SYT1: variants seen among roughly 807,000 people sequenced by gnomAD.
SYT1 encodes the protein synaptotagmin-1.
In SYT1, 8 loss-of-function variants were observed where a neutral mutation model predicts 44.8. The observed-to-expected ratio is 0.18, with a 90% CI of 0.10 to 0.32. The LOEUF (loss-of-function observed/expected upper bound fraction) is 0.32, where lower values mean the gene tolerates loss of function less well. Among genes scored for constraint, SYT1 ranks in the 10% least tolerant of loss-of-function variants. The pLI is 1.00. For missense variants in SYT1, 286 were observed against 509.3 expected (o/e 0.56, Z 4.22); for synonymous variants, 154 against 188.8 (o/e 0.82, Z 1.51).
intron 2 of SYT1, among the ~76,000 whole-genome samples, chr12:79,022,871 C>T (rs563326671): frequency 6.6e-6 from 1 of 151,652 alleles, no homozygotes; most frequent in East Asian, 1.9e-4. Context: ...GCAAAACAAC[C>T]CAGGATCTAG....
rs564819659 is a variant in SYT1, at chr12:78,980,917, G to A, written c.-84+2986G>A. ...CATGAACAGTATTCTCCTGAGCCAG[G>A]GGGGAGAGGGAGATGGAGGGGAGAG... On this transcript the variant is annotated intron_variant, in intron 2 of 10. Coordinates refer to ENST00000261205, the MANE Select transcript of SYT1 (RefSeq NM_005639.3). 2.6e-5 allele frequency among the ~76,000 whole-genome samples: 4 copies of A among 152,080 alleles called. 1 individual carries two copies. The East Asian group carries it at 5.8e-4, about 22-fold the overall frequency.
chr12:79,112,403 T>C (rs535786918), intron 3 of SYT1, among the ~76,000 whole-genome samples: 5 of 152,214 alleles, frequency 3.3e-5, no homozygotes, highest in Admixed American at 3.3e-4. Context: ...TTTCTTAGAA[T>C]ATAAGAGTGA....
chr12:78,881,970 G>A (rs1205644235), intron 1 of SYT1, among the ~76,000 whole-genome samples: 1 of 82,802 alleles, frequency 1.2e-5, no homozygotes, highest in Non-Finnish European at 2.3e-5. Flanking sequence ...ATTTCCCATA[G>A]CACCCTGTAT....
chr12:79,265,041 C>A (rs2138744695), intron 4 of SYT1, among the ~76,000 whole-genome samples: 1 of 151,894 alleles, frequency 6.6e-6, no homozygotes, highest in Middle Eastern at 3.4e-3. Flanking sequence ...ATCTAGACAG[C>A]TTTTATAGTT....
chr12:79,306,322 C>T (rs577659283), intron 8 of SYT1, among the ~76,000 whole-genome samples: 144 of 152,308 alleles, frequency 9.5e-4, no homozygotes, highest in African/African-American at 3.3e-3. Flanking sequence ...GAATTCCAGT[C>T]CCTCTCTCCA....
intron 4 of SYT1, among the ~76,000 whole-genome samples, chr12:79,225,638 A>G (rs1403650516): frequency 6.6e-6 from 1 of 152,242 alleles, no homozygotes; most frequent in Non-Finnish European, 1.5e-5. Flanking sequence ...CTAGAGAAGC[A>G]GAGAAAGCAA....
chr12:79,333,748 C>T (rs1021941926), intron 8 of SYT1, among the ~76,000 whole-genome samples: 4 of 152,126 alleles, frequency 2.6e-5, no homozygotes, highest in Non-Finnish European at 5.9e-5. Context: ...TTTCTCAACA[C>T]TTTTATGTTT....
intron 2 of SYT1, among the ~76,000 whole-genome samples, chr12:78,980,705 A>T (rs1869186503): frequency 6.6e-6 from 1 of 152,222 alleles, no homozygotes; most frequent in Admixed American, 6.5e-5. Context: ...CTAGAAATTG[A>T]AGGGAAGAAT....
intron 3 of SYT1, among the ~76,000 whole-genome samples, chr12:79,162,397 C>T (rs554446241): frequency 6.6e-6 from 1 of 152,218 alleles, no homozygotes; most frequent in African/African-American, 2.4e-5. Flanking sequence ...CTTATATTCT[C>T]GAAATTTAAT....
intron 1 of SYT1, among the ~76,000 whole-genome samples, chr12:78,965,176 C>T (rs974916739): frequency 2.6e-5 from 4 of 152,120 alleles, no homozygotes. Context: ...GTTAGTTCCT[C>T]ACCATATTGG....
At chr12:78,910,394 T>C (rs1253786160) in intron 1 of SYT1, among the ~76,000 whole-genome samples, 4 of 152,004 alleles carry the variant, frequency 2.6e-5, no homozygotes, top group African/African-American at 9.7e-5. Flanking sequence ...TGCCTTGTAC[T>C]AAACCTGGGT....
At chr12:78,876,308 A>G (rs1258962129) in intron 1 of SYT1, among the ~76,000 whole-genome samples, 2 of 151,484 alleles carry the variant, frequency 1.3e-5, no homozygotes, top group Admixed American at 6.6e-5. Flanking sequence ...CTACAAAGGC[A>G]TATTAACTTT....
At chr12:79,179,564 GAT>G (rs1872380515) in intron 3 of SYT1, among the ~76,000 whole-genome samples, 3 of 145,890 alleles carry the variant, frequency 2.1e-5, no homozygotes, top group African/African-American at 7.7e-5. Flanking sequence ...TATAGATTTA[GAT>G]ATATAGATAT....
In SYT1 at chr12:79,049,854, T is replaced by C. The variant is rs142472077; in HGVS notation, c.-18+2492T>C. ...ACAAGTTGATAATTGATTAAAATAT[T>C]ACTATAATATTGCTAAAGACGCTTA... On this transcript the variant is annotated intron_variant, in intron 3 of 10. Coordinates refer to ENST00000261205, the MANE Select transcript of SYT1 (RefSeq NM_005639.3). 3.3e-3 allele frequency among the ~76,000 whole-genome samples: 498 copies of C among 152,196 alleles called. 5 individuals carry two copies. The highest frequency in any genetic ancestry group is 0.011 in the African/African-American group (470 of 41,572).
At chr12:78,904,962 A>G (rs1224068090) in intron 1 of SYT1, among the ~76,000 whole-genome samples, 3 of 152,158 alleles carry the variant, frequency 2.0e-5, no homozygotes, top group Non-Finnish European at 4.4e-5. Flanking sequence ...AGTCTCAATT[A>G]TCATTGTATT....
At chr12:79,354,323 C>T (rs1044187581) in intron 9 of SYT1, among the ~76,000 whole-genome samples, 12 of 152,080 alleles carry the variant, frequency 7.9e-5, no homozygotes, top group African/African-American at 9.7e-5. Context: ...TTTAATTTTC[C>T]GCTAAATCAT....
intron 3 of SYT1, among the ~76,000 whole-genome samples, chr12:79,171,122 G>A (rs934305408): frequency 6.6e-6 from 1 of 152,058 alleles, no homozygotes; most frequent in Admixed American, 6.6e-5. Context: ...AAGTTGGGTA[G>A]TGTGACGCCT....
At chr12:79,375,391 G>C (rs1883953272) in intron 9 of SYT1, among the ~76,000 whole-genome samples, 1 of 152,154 alleles carries the variant, frequency 6.6e-6, no homozygotes, top group South Asian at 2.1e-4. Context: ...TAGTGTAGAG[G>C]AGCTGCTAAG....
chr12:79,069,413 T>C (rs1876109979), intron 3 of SYT1, among the ~76,000 whole-genome samples: 1 of 152,156 alleles, frequency 6.6e-6, no homozygotes, highest in African/African-American at 2.4e-5. Flanking sequence ...AATGTATTTG[T>C]TGAAAATATT....
Sources: gnomAD v4.1 joint callset for allele counts (sites outside exome capture counted in the v4.1 genomes callset) on GRCh38, gnomAD v4.1.1 for gene constraint, MANE v1.5 for transcripts, NCBI Gene and HGNC (gene_info 2026-07-23, HGNC 2026-07-21) for gene names.